Variants in IL17RD observed in about 807,000 individuals in gnomAD.
The protein encoded by IL17RD is interleukin 17 receptor D, also known as interleukin-17 receptor D.
IL17RD carries 52 observed loss-of-function variants against 80.5 expected under a neutral mutation model. That is an observed-to-expected ratio of 0.65 (90% CI 0.52 to 0.81). The LOEUF (loss-of-function observed/expected upper bound fraction) is 0.81. Ranked by LOEUF, IL17RD falls within the 40% of genes least tolerant of loss-of-function variation. IL17RD has a pLI of 0.00. For synonymous variants in IL17RD, 416 were observed against 391.8 expected, an observed-to-expected ratio of 1.06 and a Z score of -0.73; for missense variants, 1,024 against 955.1, an observed-to-expected ratio of 1.07 and a Z score of -0.95.
At chr3:57,108,806 G>A (rs767629038) in intron 5 of IL17RD, among the ~76,000 whole-genome samples, 6 of 151,622 alleles carry the variant, frequency 4.0e-5, no homozygotes, top group South Asian at 2.1e-4. Context: ...ATGAGCCACC[G>A]CGCCTGGCCA....
At chr3:57,111,683 C>T (rs749658189) in intron 3 of IL17RD, among the ~76,000 whole-genome samples, 6 of 151,994 alleles carry the variant, frequency 3.9e-5, no homozygotes, top group Non-Finnish European at 8.8e-5. Context: ...AAAAATTCAT[C>T]GTTGGGGCCG....
rs1040187126 is a variant in IL17RD at position 57,095,939 on chromosome 3, T to TA, written c.*453dup. ...TCTGCAATACAACATGGATTCCAGA[T>TA]AGACTGGCACTTGATTTCTGTGGCT... is the stretch of plus-strand genomic sequence containing the variant. On this transcript the variant is annotated 3_prime_UTR_variant, in exon 13 of 13. Transcript: ENST00000296318. The TA allele has an allele frequency of 1.9e-5, 3 of 160,514 alleles. No individual in the cohort carries two copies. The highest frequency in any genetic ancestry group is 7.2e-5 in the African/African-American group (3 of 41,642). 9.9% of individuals were successfully genotyped at this position (160,514 alleles called of 1,614,324 possible).
chr3:57,154,126 G>A (rs1211959993), intron 1 of IL17RD, among the ~76,000 whole-genome samples: 2 of 151,752 alleles, frequency 1.3e-5, no homozygotes, highest in East Asian at 1.9e-4. Flanking sequence ...GCACACGCCT[G>A]TGGTCCCAGC....
chr3:57,107,136 T>C (rs1019158438), intron 5 of IL17RD, among the ~76,000 whole-genome samples: 2 of 152,146 alleles, frequency 1.3e-5, no homozygotes, highest in East Asian at 1.9e-4. Flanking sequence ...CCCAGCACTT[T>C]GGGAGGCTGA....
rs1216872143 is a variant in IL17RD at position 57,092,517 on chromosome 3, A to T, written c.*3876T>A. 2 of 151,840 alleles carry T rather than the reference A, an allele frequency of 1.3e-5. No homozygotes were observed. The highest frequency in any genetic ancestry group is 2.9e-5 in the Non-Finnish European group (2 of 67,998). The allele number at this position is 151,840 out of a possible 1,614,324, so 9.4% of individuals were successfully genotyped here. A position where few individuals can be genotyped will look rare whatever the true frequency, so the allele number is the denominator to read the frequency against. On this transcript the variant is annotated 3_prime_UTR_variant, in exon 13 of 13. Transcript: ENST00000296318. ...GGCAGGAGAATGGCGTGAACCCGGGAGGTGGAGCTTGCAGTGAGCCGAGAT... is the reference window on the plus strand; with the variant it reads ...GGCAGGAGAATGGCGTGAACCCGGGTGGTGGAGCTTGCAGTGAGCCGAGAT...
chr3:57,130,141 G>C (rs1386254128), intron 1 of IL17RD, among the ~76,000 whole-genome samples: 3 of 152,228 alleles, frequency 2.0e-5, no homozygotes, highest in African/African-American at 7.2e-5. Context: ...GGAGAATCCT[G>C]TGAAAAATAA....
intron 11 of IL17RD, among the ~76,000 whole-genome samples, chr3:57,100,299 C>T (rs1343471138): frequency 6.6e-6 from 1 of 152,184 alleles, no homozygotes; most frequent in Non-Finnish European, 1.5e-5. Flanking sequence ...TAGGGGGCAG[C>T]CTCACCACAT....
At chr3:57,112,016 G>C (rs1480797246) in intron 3 of IL17RD, among the ~76,000 whole-genome samples, 1 of 151,968 alleles carries the variant, frequency 6.6e-6, no homozygotes, top group Non-Finnish European at 1.5e-5. Flanking sequence ...GTGGCAAGCG[G>C]TGGTTCTTGT....
intron 1 of IL17RD, among the ~76,000 whole-genome samples, chr3:57,138,773 T>TA (rs1043567984): frequency 8.1e-4 from 123 of 151,452 alleles, no homozygotes; most frequent in Non-Finnish European, 4.4e-5. Context: ...CCATCTCTAC[T>TA]AAAAAAATAC....
intron 2 of IL17RD, among the ~76,000 whole-genome samples, chr3:57,115,550 C>T (rs1410487089): frequency 6.6e-6 from 1 of 152,164 alleles, no homozygotes; most frequent in African/African-American, 2.4e-5. Flanking sequence ...GCAGCTGCAC[C>T]ACCTGGTCTT....
At chr3:57,119,338 C>A (rs1252401455) in intron 2 of IL17RD, among the ~76,000 whole-genome samples, 13 of 144,026 alleles carry the variant, frequency 9.0e-5, no homozygotes, top group African/African-American at 2.5e-4. Context: ...GGCGACAGAG[C>A]GAGACTCCAT....
At chr3:57,153,062 T>C (rs1221709125) in intron 1 of IL17RD, among the ~76,000 whole-genome samples, 1 of 152,188 alleles carries the variant, frequency 6.6e-6, no homozygotes, top group African/African-American at 2.4e-5. Flanking sequence ...GCACTCCTCA[T>C]TTTGAGACAG....
upstream of IL17RD, among the ~76,000 whole-genome samples, chr3:57,168,752 T>C (rs1184427732): frequency 1.3e-5 from 2 of 152,216 alleles, no homozygotes; most frequent in Non-Finnish European, 2.9e-5. Context: ...GTTTTGCCCT[T>C]GTTGCCCAGG....
chr3:57,116,305 CAG>C (rs1707215638), intron 2 of IL17RD, among the ~76,000 whole-genome samples: 1 of 125,392 alleles, frequency 8.0e-6, no homozygotes, highest in African/African-American at 3.0e-5. Context: ...TTTTTTGAGA[CAG>C]AGTTTCGCTC....
At position 57,112,253 on chromosome 3, in the gene IL17RD, G is replaced by A. The variant is rs1707116388; in HGVS notation, c.311-1942C>T. Among the ~76,000 whole-genome samples, 4 of 152,168 alleles carry A rather than the reference G, an allele frequency of 2.6e-5. No homozygotes were observed. The South Asian group carries it at 6.2e-4, about 24-fold the overall frequency. On this transcript the variant is annotated intron_variant, in intron 3 of 12. Transcript: ENST00000296318. ...CAAATCCTCCCAACAACCACAGAAG[G>A]AAGGTGTTATTATCCCCATTTTACA... is the stretch of plus-strand genomic sequence containing the variant.
Position 57,152,189 on chromosome 3 carries a change from C to T in IL17RD, c.126+12972G>A, listed in dbSNP as rs537367994. Among the ~76,000 whole-genome samples the T allele has an allele frequency of 2.6e-5, 4 of 152,290 alleles. No homozygotes were observed. The South Asian group carries it at 6.2e-4, about 24-fold the overall frequency. ...GACCAAGCAAAGGCAAGCTGCCCCC[C>T]GCCCCCGACCAAAGCATACCCTCAC... On this transcript the variant is annotated intron_variant, in intron 1 of 12. Transcript: ENST00000296318.
At chr3:57,106,264 G>T (rs1340432599) in intron 5 of IL17RD, 110 bp from the exon 6 acceptor site, 48 of 757,454 alleles carry the variant, frequency 6.3e-5, no homozygotes, top group Non-Finnish European at 4.5e-6. Context: ...TGCTAGAAAA[G>T]GTATAAAATA....
At chr3:57,116,444 C>T (rs140407489) in intron 2 of IL17RD, among the ~76,000 whole-genome samples, 1,282 of 75,322 alleles carry the variant, frequency 0.017, 9 homozygotes, top group Non-Finnish European at 0.029. Flanking sequence ...CCACCACACC[C>T]GGCTAATTTT....
chr3:57,126,615 C>T lies in IL17RD; in HGVS notation c.127-6302G>A, dbSNP rs1382672059. ...TAAGCCATTTGAAGACACTAACTTC[C>T]CAGAGCAACATTTCCAATTCACCTC... is the stretch of plus-strand genomic sequence containing the variant. On this transcript the variant is annotated intron_variant, in intron 1 of 12. Coordinates refer to ENST00000296318, the MANE Select transcript of IL17RD (RefSeq NM_017563.5). Among the ~76,000 whole-genome samples the T allele has an allele frequency of 3.3e-5, 5 of 152,250 alleles. No individual in the cohort carries two copies. In the East Asian group the frequency reaches 7.7e-4, roughly 24 times the overall value.
Sources: gnomAD v4.1 joint callset for allele counts (sites outside exome capture counted in the v4.1 genomes callset) on GRCh38, gnomAD v4.1.1 for gene constraint, MANE v1.5 for transcripts, NCBI Gene and HGNC (gene_info 2026-07-23, HGNC 2026-07-21) for gene names.